Variants in GNPTAB observed in about 807,000 individuals in gnomAD.
GNPTAB encodes N-acetylglucosamine-1-phosphate transferase subunits alpha and beta.
GNPTAB carries 92 observed loss-of-function variants against 136.6 expected under a neutral mutation model. That is an observed-to-expected ratio of 0.67 (90% CI 0.57 to 0.80). GNPTAB has a LOEUF of 0.80. Ranked by LOEUF, GNPTAB falls within the 30% of genes least tolerant of loss-of-function variation. GNPTAB has a pLI of 0.00. For synonymous variants in GNPTAB, 512 were observed against 535.1 expected (o/e 0.96, Z 0.60); for missense variants, 1,343 against 1,501.8 (o/e 0.89, Z 1.75).
intron 1 of GNPTAB, among the ~76,000 whole-genome samples, chr12:101,797,096 A>G (rs925815290): frequency 2.0e-5 from 3 of 152,170 alleles, no homozygotes; most frequent in African/African-American, 7.2e-5. Context: ...TTGGAAGAGC[A>G]TGCTTGTAGG....
At chr12:101,791,636 T>G (rs1868997944) in intron 2 of GNPTAB, among the ~76,000 whole-genome samples, 1 of 152,202 alleles carries the variant, frequency 6.6e-6, no homozygotes, top group Non-Finnish European at 1.5e-5. Context: ...TCCAAGAAAC[T>G]GTATGGGTTT....
chr12:101,751,093 A>G lies in GNPTAB; in HGVS notation c.3603-1902T>C, dbSNP rs1416841441. Among the ~76,000 whole-genome samples the G allele has an allele frequency of 3.9e-5, 6 of 152,200 alleles. No individual in the cohort carries two copies. The East Asian group carries it at 1.2e-3, about 29-fold the overall frequency. On this transcript the variant is annotated intron_variant, in intron 19 of 20. Coordinates refer to ENST00000299314, the MANE Select transcript of GNPTAB (RefSeq NM_024312.5). ...TGATCATGACAAACATCTAAAAAAAAAATCTCTCCTGGGGGTCCATTCTCA... is the reference window on the plus strand; with the variant it reads ...TGATCATGACAAACATCTAAAAAAAGAATCTCTCCTGGGGGTCCATTCTCA...
chr12:101,791,701 A>C (rs1319114090), intron 2 of GNPTAB, among the ~76,000 whole-genome samples: 1 of 152,176 alleles, frequency 6.6e-6, no homozygotes, highest in African/African-American at 2.4e-5. Context: ...TGTCCTCCTC[A>C]CAGCCCAGGC....
intron 13 of GNPTAB, among the ~76,000 whole-genome samples, chr12:101,763,081 G>GCATGCTGGCACATGCCTGTAATCCCAGC (rs1305199451): frequency 6.6e-6 from 1 of 151,786 alleles, no homozygotes; most frequent in African/African-American, 2.4e-5. Flanking sequence ...AATTGGCCAG[G>GCATGCTGGCACATGCCTGTAATCCCAGC]CATGCTGGCA....
chr12:101,828,695 A>G (rs1339114032), intron 1 of GNPTAB, among the ~76,000 whole-genome samples: 1 of 151,266 alleles, frequency 6.6e-6, no homozygotes, highest in Non-Finnish European at 1.5e-5. Flanking sequence ...ATCTCAAAAA[A>G]CAAACAAAAA....
intron 1 of GNPTAB, among the ~76,000 whole-genome samples, chr12:101,819,468 T>C (rs1461818958): frequency 6.6e-6 from 1 of 152,070 alleles, no homozygotes; most frequent in Non-Finnish European, 1.5e-5. Flanking sequence ...TAATTGGGAA[T>C]TAATGAGAGA....
Position 101,789,983 on chromosome 12 carries a change from A to T in GNPTAB, c.278T>A (p.Leu93Gln). ...NGTDLELLKE[L>Q]QQVREQMEEE... The stretch of plus-strand genomic sequence containing the variant: ...CTCCATCTGTTCTCTGACCTGCTGT[A>T]GTTCCTTCAGTAGTTCAAGATCTGT... The change falls in exon 3 of 21, where the codon CTA becomes CAA. Residue 93 changes from leucine (L) to glutamine (Q), a missense_variant. Coordinates refer to ENST00000299314, the MANE Select transcript of GNPTAB (RefSeq NM_024312.5). The T allele has an allele frequency of 6.2e-7, 1 of 1,614,178 alleles. No individual in the cohort carries two copies. The highest frequency in any genetic ancestry group is 8.5e-7 in the Non-Finnish European group (1 of 1,180,030).
Position 101,764,911 on chromosome 12 carries a change from A to G in GNPTAB, c.2006T>C (p.Ile669Thr). ...CTTCGGGAAGCGTTTTTCTTTGGGA[A>G]TATCCTCAAAAAGGATTTCCGCCTC... ...LPEAEILFED[I>T]PKEKRFPKFK... is the part of the protein sequence containing the mutation. The change falls in exon 13 of 21, where the codon ATT becomes ACT. Residue 669 changes from isoleucine to threonine, a missense_variant. By Grantham distance (89) the Ile-to-Thr change is moderately conservative (BLOSUM62 -1). Coordinates refer to ENST00000299314, the MANE Select transcript of GNPTAB (RefSeq NM_024312.5). The G allele has an allele frequency of 6.2e-7, 1 of 1,614,190 alleles. No individual in the cohort carries two copies. Among genetic ancestry groups the G allele is most frequent in the African/African-American group, 1.3e-5 (1 of 75,054 alleles).
At chr12:101,747,364 C>A in intron 20 of GNPTAB, 123 bp from the exon 21 acceptor site, 1 of 674,674 alleles carries the variant, frequency 1.5e-6, no homozygotes, top group Non-Finnish European at 2.7e-6. Context: ...ATTAAAAAGA[C>A]AACAAACAAA....
intron 1 of GNPTAB, among the ~76,000 whole-genome samples, chr12:101,822,748 G>A (rs1423113339): frequency 1.3e-5 from 2 of 152,186 alleles, no homozygotes; most frequent in Non-Finnish European, 2.9e-5. Flanking sequence ...CTGTTCTGTA[G>A]TGTGAAGTGA....
At chr12:101,771,189 A>C (rs1402252102) in intron 7 of GNPTAB, 32 bp from the exon 8 acceptor site, 2 of 1,582,266 alleles carry the variant, frequency 1.3e-6, no homozygotes, top group South Asian at 1.1e-5. Context: ...ACACATGAAA[A>C]GACTGAATCT....
intron 7 of GNPTAB, among the ~76,000 whole-genome samples, chr12:101,771,635 A>G (rs533771851): frequency 6.6e-6 from 1 of 152,344 alleles, no homozygotes; most frequent in South Asian, 2.1e-4. Context: ...ATGTTAAAAA[A>G]ATAGGCGTCT....
In GNPTAB at chr12:101,760,152, GA is replaced by G; in HGVS notation, c.3136-10del. ...TCCAGACCTGTCAAATCCTAACAAA[GA>G]AAAAGATGATAAATCTGTTATGCGC... On this transcript the variant is annotated splice_polypyrimidine_tract_variant and intron_variant, in intron 15 of 20. Coordinates refer to ENST00000299314, the MANE Select transcript of GNPTAB (RefSeq NM_024312.5). The G allele has an allele frequency of 6.7e-7, 1 of 1,490,888 alleles. No individual in the cohort carries two copies. 92.4% of individuals were successfully genotyped at this position (1,490,888 alleles called of 1,614,324 possible). A position where few individuals can be genotyped will look rare whatever the true frequency, so the allele number is the denominator to read the frequency against.
At position 101,830,713 on chromosome 12, in the gene GNPTAB, A is replaced by AGCCGCC. The variant is rs76300806; in HGVS notation, c.-44_-39dup. 2.4e-4 allele frequency: 247 copies of AGCCGCC among 1,047,006 alleles called. No individual in the cohort carries two copies. In the Middle Eastern group the frequency reaches 3.8e-3, roughly 16 times the overall value. The allele number at this position is 1,047,006 out of a possible 1,614,324, so 64.9% of individuals were successfully genotyped here. ...GCCACGCCACGCCCCGAGGAGCCTG[A>AGCCGCC]GCCGCCGCCGCCGCCGCCGCCGCCT... On this transcript the variant is annotated 5_prime_UTR_variant, in exon 1 of 21. Transcript: ENST00000299314.
intron 2 of GNPTAB, among the ~76,000 whole-genome samples, chr12:101,791,367 T>C (rs975431): frequency 0.15 from 23,278 of 151,872 alleles, 1,824 homozygotes; most frequent in South Asian, 0.22. Flanking sequence ...AGATCAGCAG[T>C]GTCCAATCTT....
At position 101,745,655 on chromosome 12, in the gene GNPTAB, G is replaced by T. The variant is rs1952722320; in HGVS notation, c.*1509C>A. ...ATCATGATCTAAAATACCTGTCAGA[G>T]TTACTCATGGAATCTGCTCTTCACA... is the stretch of plus-strand genomic sequence containing the variant. On this transcript the variant is annotated 3_prime_UTR_variant, in exon 21 of 21. Transcript: ENST00000299314. The T allele has an allele frequency of 6.6e-6, 1 of 152,224 alleles. No homozygotes were observed. Among genetic ancestry groups the T allele is most frequent in the African/African-American group, 2.4e-5 (1 of 41,444 alleles). The allele number at this position is 152,224 out of a possible 1,614,324, so 9.4% of individuals were successfully genotyped here.
intron 1 of GNPTAB, among the ~76,000 whole-genome samples, chr12:101,812,304 G>A (rs990535722): frequency 7.2e-5 from 11 of 152,096 alleles, no homozygotes; most frequent in Admixed American, 2.0e-4. Context: ...TCACTAACAC[G>A]AGAAGAGCAA....
intron 3 of GNPTAB, 80 bp downstream of exon 3, chr12:101,789,858 C>A: frequency 1.5e-6 from 2 of 1,311,358 alleles, no homozygotes; most frequent in South Asian, 1.2e-5. Flanking sequence ...TTTTCATGCT[C>A]ATATGTGAGA....
chr12:101,753,400 A>G lies in GNPTAB; in HGVS notation c.3574T>C (p.Phe1192Leu). The change falls in exon 19 of 21, where the codon TTC becomes CTC. Residue 1192 changes from phenylalanine (F) to leucine (L), a missense_variant. Transcript: ENST00000299314. ...TCCTGCAGCTCATGCATATGAAGGA[A>G]ACGGTTTCGATACTCTCTTGGCAGT... ...FELPREYRNR[F>L]LHMHELQEWR... 1 of 1,614,090 alleles carries G rather than the reference A, an allele frequency of 6.2e-7. No individual in the cohort carries two copies. Among genetic ancestry groups the G allele is most frequent in the African/African-American group, 1.3e-5 (1 of 75,052 alleles).
Sources: gnomAD v4.1 joint callset for allele counts (sites outside exome capture counted in the v4.1 genomes callset) on GRCh38, gnomAD v4.1.1 for gene constraint, MANE v1.5 for transcripts, NCBI Gene and HGNC (gene_info 2026-07-23, HGNC 2026-07-21) for gene names.